Variants in TCAIM observed in about 807,000 individuals in gnomAD.
TCAIM encodes T cell activation inhibitor, mitochondrial, also known as T-cell activation inhibitor, mitochondrial.
A neutral mutation model predicts 58.6 loss-of-function variants in TCAIM; 36 were observed. The observed-to-expected ratio is 0.61, with a 90% confidence interval of 0.47 to 0.81. The LOEUF is 0.81. Ranked by LOEUF, TCAIM falls within the 30% of genes least tolerant of loss-of-function variation. The probability of loss-of-function intolerance (pLI) is 0.00; values close to 1 mark genes in which losing one functional copy is unlikely to be tolerated. For missense variants in TCAIM, 466 were observed against 579.6 expected (o/e 0.80, Z 2.01); for synonymous variants, 172 against 193.6 (o/e 0.89, Z 0.93).
intron 8 of TCAIM, among the ~76,000 whole-genome samples, chr3:44,397,829 G>C (rs1488076699): frequency 6.6e-6 from 1 of 152,030 alleles, no homozygotes; most frequent in Non-Finnish European, 1.5e-5. Context: ...GTGCTTATTT[G>C]TCATCCACAT....
At chr3:44,350,403 C>T (rs184400876) in intron 1 of TCAIM, among the ~76,000 whole-genome samples, 1 of 151,890 alleles carries the variant, frequency 6.6e-6, no homozygotes, top group Non-Finnish European at 1.5e-5. Flanking sequence ...AATTACCTCC[C>T]GAAGGCCCCA....
intron 5 of TCAIM, among the ~76,000 whole-genome samples, chr3:44,375,421 G>A (rs1364281822): frequency 3.3e-5 from 5 of 152,170 alleles, no homozygotes. Context: ...GAAAAAAAGA[G>A]AGGAGGAGGC....
intron 5 of TCAIM, among the ~76,000 whole-genome samples, chr3:44,377,999 G>T (rs1701593072): frequency 6.6e-6 from 1 of 152,142 alleles, no homozygotes; most frequent in Non-Finnish European, 1.5e-5. Flanking sequence ...TATCAACAGA[G>T]TAAACAGACA....
intron 1 of TCAIM, among the ~76,000 whole-genome samples, chr3:44,347,041 G>A (rs774947718): frequency 3.9e-5 from 6 of 152,168 alleles, no homozygotes; most frequent in African/African-American, 7.2e-5. Flanking sequence ...ATCCAAAGGC[G>A]GAAGTACCTA....
In TCAIM at chr3:44,357,797, G is replaced by C. The variant is rs761131038; in HGVS notation, c.86G>C (p.Gly29Ala). The C allele has an allele frequency of 6.2e-7, 1 of 1,614,160 alleles. No homozygotes were observed. The highest frequency in any genetic ancestry group is 1.1e-5 in the South Asian group (1 of 91,084). The change falls in exon 3 of 11, where the codon GGA becomes GCA. Residue 29 changes from glycine (G) to alanine (A), a missense_variant. Physicochemically the swap from Gly to Ala is moderately conservative, Grantham distance 60. Transcript: ENST00000342649. ...HWFPFSRALS[G>A]AEAVNALRPF... is the part of the protein sequence containing the mutation. ...TTTCCCTTTTCAAGAGCTTTATCGG[G>C]AGCTGAAGCAGTCAATGCCTTGAGG...
At chr3:44,356,503 C>G (rs1226054983) in intron 2 of TCAIM, among the ~76,000 whole-genome samples, 1 of 151,052 alleles carries the variant, frequency 6.6e-6, no homozygotes, top group African/African-American at 2.4e-5. Flanking sequence ...GCCAGGGCAA[C>G]AGAGTGAGAC....
chr3:44,399,877 A>G (rs866485832), intron 8 of TCAIM, among the ~76,000 whole-genome samples: 19 of 152,320 alleles, frequency 1.2e-4, no homozygotes, highest in Middle Eastern at 3.4e-3. Flanking sequence ...TAATCTGTAC[A>G]CTTGAAGTGT....
Position 44,400,534 on chromosome 3 carries a change from T to C in TCAIM, c.1065T>C (p.Ser355=), listed in dbSNP as rs201804720. 25 of 1,613,732 alleles carry C rather than the reference T, an allele frequency of 1.5e-5. No individual in the cohort carries two copies. Among genetic ancestry groups the C allele is most frequent in the African/African-American group, 9.3e-5 (7 of 75,052 alleles). The stretch of plus-strand genomic sequence containing the variant: ...TGTTTTATAATAGACTGTTGAAAAG[T>C]AGAATACTATTTCACCCTCGAAGTT... The part of the protein sequence containing the change: ...LDVFYNRLLK[S]RILFHPRSLR... The change falls in exon 9 of 11, where the codon AGT becomes AGC. Residue 355 remains serine (S), a synonymous_variant. Coordinates refer to ENST00000342649, the MANE Select transcript of TCAIM (RefSeq NM_173826.4).
chr3:44,339,298 A>G (rs539401519), intron 1 of TCAIM, among the ~76,000 whole-genome samples: 2 of 152,298 alleles, frequency 1.3e-5, no homozygotes, highest in Non-Finnish European at 2.9e-5. Flanking sequence ...GATAGTCACT[A>G]AGGGAAGTCA....
At chr3:44,358,447 T>C in intron 3 of TCAIM, 1 of 562,250 alleles carries the variant, frequency 1.8e-6, no homozygotes, top group Non-Finnish European at 3.1e-6. Flanking sequence ...AACCTCAGAC[T>C]GAAAATATTA....
chr3:44,403,624 G>A (rs990705799), intron 10 of TCAIM, among the ~76,000 whole-genome samples: 2 of 152,072 alleles, frequency 1.3e-5, no homozygotes, highest in African/African-American at 2.4e-5. Context: ...TAGCTTTGGA[G>A]TAATGCTTAT....
In TCAIM at chr3:44,361,522, C is replaced by G. The variant is rs758995122; in HGVS notation, c.319+4C>G. ...CAGGAACCTTTTAGTACTTCCGGTA[C>G]GTTTTTTATTTCTGGTGTGTCCCTT... On this transcript the variant is annotated splice_donor_region_variant and intron_variant, in intron 4 of 10. Coordinates refer to ENST00000342649, the MANE Select transcript of TCAIM (RefSeq NM_173826.4). 3 of 1,584,880 alleles carry G rather than the reference C, an allele frequency of 1.9e-6. No homozygotes were observed. Among genetic ancestry groups the G allele is most frequent in the Non-Finnish European group, 2.6e-6 (3 of 1,169,610 alleles).
intron 8 of TCAIM, 139 bp from the exon 9 acceptor site, chr3:44,400,216 T>C: frequency 1.5e-6 from 1 of 663,690 alleles, no homozygotes; most frequent in Non-Finnish European, 2.5e-6. Context: ...TTAAGTTTTT[T>C]TATCTCTTAC....
intron 7 of TCAIM, 88 bp downstream of exon 7, chr3:44,396,585 C>A: frequency 6.9e-7 from 1 of 1,451,704 alleles, no homozygotes. Flanking sequence ...AACTTTATCA[C>A]AGCTGAACTT....
At chr3:44,375,120 T>C (rs988382556) in intron 5 of TCAIM, among the ~76,000 whole-genome samples, 2 of 152,222 alleles carry the variant, frequency 1.3e-5, no homozygotes, top group Non-Finnish European at 2.9e-5. Context: ...TATCAGTTTT[T>C]TTCTTTTTAT....
chr3:44,387,052 C>T (rs1471648246), intron 5 of TCAIM, among the ~76,000 whole-genome samples: 1 of 152,172 alleles, frequency 6.6e-6, no homozygotes, highest in East Asian at 1.9e-4. Context: ...CCTTTCTGAG[C>T]ACATAAAAAC....
At chr3:44,366,008 A>G (rs1269253189) in intron 4 of TCAIM, among the ~76,000 whole-genome samples, 1 of 152,202 alleles carries the variant, frequency 6.6e-6, no homozygotes, top group Non-Finnish European at 1.5e-5. Context: ...TTTTTTAAAA[A>G]AGCGAAGAGT....
intron 4 of TCAIM, among the ~76,000 whole-genome samples, chr3:44,365,950 G>A (rs1701367495): frequency 6.6e-6 from 1 of 152,208 alleles, no homozygotes; most frequent in South Asian, 2.1e-4. Flanking sequence ...TTGTATGCCT[G>A]CTAACAGGAG....
chr3:44,370,234 G>A (rs1701442803), intron 5 of TCAIM, among the ~76,000 whole-genome samples: 1 of 152,108 alleles, frequency 6.6e-6, no homozygotes, highest in Non-Finnish European at 1.5e-5. Context: ...GGCCGAGGCA[G>A]GCGGATCACA....
Sources: allele counts gnomAD v4.1 joint callset (sites outside exome capture counted in the v4.1 genomes callset), GRCh38; gene constraint gnomAD v4.1.1; transcripts MANE v1.5; gene names NCBI Gene and HGNC (gene_info 2026-07-23, HGNC 2026-07-21).